GRID2: variants seen among roughly 807,000 people sequenced by gnomAD.
The protein encoded by GRID2 is glutamate receptor ionotropic, delta-2.
GRID2 carries 33 observed loss-of-function variants against 114.8 expected under a neutral mutation model. The ratio of observed to expected loss-of-function variants is 0.29; its 90% CI spans 0.22 to 0.38. GRID2 has a LOEUF of 0.38. Ranked by LOEUF, GRID2 falls within the 10% of genes least tolerant of loss-of-function variation. The pLI is 1.00. For missense variants in GRID2, 1,184 were observed against 1,257.7 expected (o/e 0.94, Z 0.89); for synonymous variants, 505 against 449.9 (o/e 1.12, Z -1.55).
chr4:92,794,905 T>TATATATATATATATACAC lies in GRID2; in HGVS notation c.244+204620_244+204621insTATATATATATATACACA, dbSNP rs745392261. Among the ~76,000 whole-genome samples, 27 of 127,798 alleles carry TATATATATATATATACAC rather than the reference T, an allele frequency of 2.1e-4. 1 individual carries two copies. Among genetic ancestry groups the TATATATATATATATACAC allele is most frequent in the African/African-American group, 8.0e-4 (26 of 32,406 alleles). The allele number at this position is 127,798 out of a possible 152,430, so 83.8% of individuals were successfully genotyped here. A position where few individuals can be genotyped will look rare whatever the true frequency, so the allele number is the denominator to read the frequency against. On this transcript the variant is annotated intron_variant, in intron 2 of 15. Coordinates refer to ENST00000282020, the MANE Select transcript of GRID2 (RefSeq NM_001510.4). ...ATATATATATATATATATATATATA[T>TATATATATATATATACAC]ACACACACACACACACACACATATC...
At chr4:93,130,281 A>G (rs1184756391) in intron 4 of GRID2, among the ~76,000 whole-genome samples, 1 of 152,094 alleles carries the variant, frequency 6.6e-6, no homozygotes, top group Non-Finnish European at 1.5e-5. Flanking sequence ...CTCCAAAAAA[A>G]GTTTTAAAAA....
chr4:92,400,407 G>T (rs1730730093), intron 1 of GRID2, among the ~76,000 whole-genome samples: 2 of 152,056 alleles, frequency 1.3e-5, no homozygotes, highest in Non-Finnish European at 2.9e-5. Context: ...TGTTTTCAAG[G>T]TTCATTCATG....
intron 2 of GRID2, among the ~76,000 whole-genome samples, chr4:93,070,252 TGCTAGCAGGG>T (rs1728695135): frequency 2.0e-5 from 3 of 152,118 alleles, no homozygotes; most frequent in Admixed American, 2.0e-4. Flanking sequence ...TCATAATTGC[TGCTAGCAGGG>T]GCCAAGCTAA....
intron 1 of GRID2, among the ~76,000 whole-genome samples, chr4:92,429,967 A>G (rs888701020): frequency 1.3e-5 from 2 of 152,076 alleles, no homozygotes; most frequent in African/African-American, 4.8e-5. Context: ...ATTTTTTCCT[A>G]TAGAGTTGTC....
chr4:93,330,850 G>T (rs967442006), intron 8 of GRID2, among the ~76,000 whole-genome samples: 4 of 152,028 alleles, frequency 2.6e-5, no homozygotes, highest in Admixed American at 6.6e-5. Flanking sequence ...TCTCTGAGGT[G>T]TTGATTGGAA....
intron 10 of GRID2, among the ~76,000 whole-genome samples, chr4:93,432,728 T>A (rs1769533559): frequency 6.6e-6 from 1 of 152,130 alleles, no homozygotes; most frequent in Non-Finnish European, 1.5e-5. Context: ...GAATGAACTC[T>A]AATGTAAACT....
At chr4:93,744,889 G>A (rs1431215275) in intron 14 of GRID2, among the ~76,000 whole-genome samples, 2 of 152,142 alleles carry the variant, frequency 1.3e-5, no homozygotes, top group Non-Finnish European at 2.9e-5. Flanking sequence ...CCACCCTGCT[G>A]ATCAGTTACC....
chr4:92,409,582 G>A (rs954904071), intron 1 of GRID2, among the ~76,000 whole-genome samples: 1 of 152,026 alleles, frequency 6.6e-6, no homozygotes, highest in African/African-American at 2.4e-5. Context: ...GAACATTCAG[G>A]AACTTGGATT....
chr4:92,769,504 C>T (rs1328425561), intron 2 of GRID2, among the ~76,000 whole-genome samples: 3 of 152,192 alleles, frequency 2.0e-5, no homozygotes, highest in African/African-American at 7.2e-5. Context: ...GGGGCTCCAA[C>T]CTCACATTTC....
At chr4:93,617,584 A>G (rs1311334781) in intron 13 of GRID2, among the ~76,000 whole-genome samples, 2 of 151,970 alleles carry the variant, frequency 1.3e-5, no homozygotes, top group Non-Finnish European at 2.9e-5. Flanking sequence ...ATTTAGCCTT[A>G]TTTTTCAGCG....
At chr4:92,658,716 C>T (rs1268786679) in intron 2 of GRID2, among the ~76,000 whole-genome samples, 4 of 151,234 alleles carry the variant, frequency 2.6e-5, no homozygotes, top group Non-Finnish European at 5.9e-5. Flanking sequence ...AATGCTTACT[C>T]ATTTACACCA....
intron 13 of GRID2, among the ~76,000 whole-genome samples, chr4:93,593,277 T>C (rs1463456317): frequency 6.9e-6 from 1 of 145,940 alleles, no homozygotes; most frequent in African/African-American, 2.5e-5. Flanking sequence ...CAGCATTTGC[T>C]TGTCTGTAAA....
intron 2 of GRID2, among the ~76,000 whole-genome samples, chr4:92,666,858 G>T (rs1732814794): frequency 6.6e-6 from 1 of 151,216 alleles, no homozygotes; most frequent in Non-Finnish European, 1.5e-5. Context: ...TTCAGCCAAA[G>T]AAAATGCTAC....
intron 14 of GRID2, among the ~76,000 whole-genome samples, chr4:93,768,864 C>T (rs987647748): frequency 3.9e-5 from 6 of 152,034 alleles, no homozygotes; most frequent in Non-Finnish European, 8.8e-5. Context: ...AAAACAGTGC[C>T]TCTGAATTGT....
chr4:93,253,896 T>C (rs1408402125), intron 8 of GRID2, among the ~76,000 whole-genome samples: 1 of 152,156 alleles, frequency 6.6e-6, no homozygotes, highest in African/African-American at 2.4e-5. Flanking sequence ...TGTTACTATT[T>C]CTCTACTTCT....
At chr4:92,529,420 G>A (rs1184329752) in intron 1 of GRID2, among the ~76,000 whole-genome samples, 3 of 152,058 alleles carry the variant, frequency 2.0e-5, no homozygotes, top group African/African-American at 7.2e-5. Context: ...GACAATGAGA[G>A]AAGACCTCAT....
chr4:93,751,643 A>G (rs987004833), intron 14 of GRID2, among the ~76,000 whole-genome samples: 1 of 152,098 alleles, frequency 6.6e-6, no homozygotes, highest in African/African-American at 2.4e-5. Flanking sequence ...TTGACAGGAG[A>G]TCTGGAGAGT....
chr4:92,980,321 G>A (rs768631983), intron 2 of GRID2, among the ~76,000 whole-genome samples: 2 of 151,820 alleles, frequency 1.3e-5, no homozygotes, highest in Non-Finnish European at 2.9e-5. Flanking sequence ...AAAATGTTAT[G>A]AGAATTTAAA....
At chr4:92,355,277 A>AT (rs544969840) in intron 1 of GRID2, among the ~76,000 whole-genome samples, 232 of 151,170 alleles carry the variant, frequency 1.5e-3, no homozygotes, top group Admixed American at 4.8e-3. Flanking sequence ...TTTGAAATGG[A>AT]TTTTTTTTTA....
Sources: gnomAD v4.1 joint callset for allele counts (sites outside exome capture counted in the v4.1 genomes callset) on GRCh38, gnomAD v4.1.1 for gene constraint, MANE v1.5 for transcripts, NCBI Gene and HGNC (gene_info 2026-07-23, HGNC 2026-07-21) for gene names.